Variants in CIB2 observed in about 807,000 individuals in gnomAD.
CIB2 encodes the protein calcium and integrin-binding family member 2.
Under a neutral mutation model 23.1 loss-of-function variants are expected in CIB2, and 19 were observed. The observed-to-expected ratio is 0.82, with a 90% CI of 0.57 to 1.21. The LOEUF (loss-of-function observed/expected upper bound fraction) is 1.21. Ranked by LOEUF, CIB2 falls within the 50% of genes most tolerant of loss-of-function variation. CIB2 has a pLI of 0.00. For synonymous variants in CIB2, 94 were observed against 91.7 expected (o/e 1.03, Z -0.14); for missense variants, 220 against 241.5 (o/e 0.91, Z 0.59).
intron 1 of CIB2, among the ~76,000 whole-genome samples, chr15:78,130,087 A>G (rs888348095): frequency 2.6e-5 from 4 of 152,196 alleles, no homozygotes; most frequent in African/African-American, 9.7e-5. Context: ...CTTCACAGCC[A>G]AAGTAAGCAC....
chr15:78,119,554 A>G (rs2074289463), intron 2 of CIB2, among the ~76,000 whole-genome samples: 1 of 151,970 alleles, frequency 6.6e-6, no homozygotes, highest in Non-Finnish European at 1.5e-5. Flanking sequence ...AGGAAAAGCA[A>G]TTTTAAGCAT....
chr15:78,127,146 T>A (rs2074392354), intron 1 of CIB2, among the ~76,000 whole-genome samples: 1 of 152,106 alleles, frequency 6.6e-6, no homozygotes, highest in African/African-American at 2.4e-5. Context: ...AACAGCTCCA[T>A]CCACCACCCA....
chr15:78,108,601 G>C (rs1202093559), intron 4 of CIB2, among the ~76,000 whole-genome samples: 5 of 152,164 alleles, frequency 3.3e-5, no homozygotes, highest in Non-Finnish European at 7.4e-5. Context: ...CAGTATTCGG[G>C]GGGGCTCCAG....
intron 2 of CIB2, among the ~76,000 whole-genome samples, chr15:78,122,566 C>T (rs561379309): frequency 6.6e-6 from 1 of 152,186 alleles, no homozygotes; most frequent in Non-Finnish European, 1.5e-5. Flanking sequence ...AGCTACAGGG[C>T]AAATCCCACT....
At chr15:78,123,505 G>A (rs1027986909) in intron 2 of CIB2, among the ~76,000 whole-genome samples, 200 bp downstream of exon 2, 3 of 152,162 alleles carry the variant, frequency 2.0e-5, no homozygotes, top group Non-Finnish European at 4.4e-5. Context: ...TTCCCCAGCA[G>A]GAGGATCTGG....
At chr15:78,116,939 G>A (rs1381139446) in intron 2 of CIB2, among the ~76,000 whole-genome samples, 5 of 137,716 alleles carry the variant, frequency 3.6e-5, no homozygotes, top group Admixed American at 2.2e-4. Flanking sequence ...TAAAAAAAAT[G>A]AATTCACAAT....
At chr15:78,111,394 A>G in intron 2 of CIB2, 118 bp from the exon 3 acceptor site, 2 of 753,904 alleles carry the variant, frequency 2.7e-6, no homozygotes, top group South Asian at 3.6e-5. Context: ...GGACCAGGTA[A>G]GGGGCCAATG....
intron 2 of CIB2, among the ~76,000 whole-genome samples, chr15:78,117,094 C>T (rs894530891): frequency 2.7e-5 from 4 of 150,928 alleles, no homozygotes; most frequent in African/African-American, 7.3e-5. Flanking sequence ...CATTCCTGAT[C>T]GGAAAGACTT....
chr15:78,109,240 A>G lies in CIB2; in HGVS notation c.341T>C (p.Ile114Thr). 7.0e-7 allele frequency: 1 copy of G among 1,421,344 alleles called. No individual in the cohort carries two copies. Among genetic ancestry groups the G allele is most frequent in the Non-Finnish European group, 9.5e-7 (1 of 1,055,362 alleles). The allele number at this position is 1,421,344 out of a possible 1,614,324, so 88.0% of individuals were successfully genotyped here. ...RELKANYAFK[I>T]YDFNTDNFIC... ...CCTCCTCTAGCCCTGGTTACCATAGATCTTGAAGGCATAGTTTGCCTTGAG... is the reference window on the plus strand; with the variant it reads ...CCTCCTCTAGCCCTGGTTACCATAGGTCTTGAAGGCATAGTTTGCCTTGAG... Residue 114 changes from isoleucine to threonine, a missense_variant, in exon 4 of 6, where the codon ATC becomes ACC. Ile to Thr is a moderately conservative substitution (Grantham distance 89). Transcript: ENST00000258930.
intron 3 of CIB2, chr15:78,110,602 T>C (rs2074142884): frequency 2.2e-6 from 1 of 451,352 alleles, no homozygotes; most frequent in Non-Finnish European, 4.5e-6. Flanking sequence ...AAGGAACTCA[T>C]GAAACGAAAC....
intron 1 of CIB2, among the ~76,000 whole-genome samples, chr15:78,129,791 TC>T (rs2074430100): frequency 6.6e-6 from 1 of 152,272 alleles, no homozygotes; most frequent in South Asian, 2.1e-4. Flanking sequence ...AGATTCGAAA[TC>T]CTGTGTGAGC....
At chr15:78,121,061 A>AG (rs544104811) in intron 2 of CIB2, among the ~76,000 whole-genome samples, 1 of 152,142 alleles carries the variant, frequency 6.6e-6, no homozygotes, top group South Asian at 2.1e-4. Flanking sequence ...AGAAAAGCGA[A>AG]GGGGGGTGAA....
At chr15:78,117,069 T>C (rs1200808001) in intron 2 of CIB2, among the ~76,000 whole-genome samples, 1 of 151,496 alleles carries the variant, frequency 6.6e-6, no homozygotes, top group Non-Finnish European at 1.5e-5. Flanking sequence ...TTTAGGTACT[T>C]AGATAACTAT....
intron 2 of CIB2, among the ~76,000 whole-genome samples, chr15:78,116,113 G>A (rs8032449): frequency 0.33 from 50,181 of 151,780 alleles, 8,619 homozygotes; most frequent in African/African-American, 0.43. Context: ...TGTATTAGGT[G>A]TTATAAGTAA....
intron 1 of CIB2, among the ~76,000 whole-genome samples, chr15:78,130,537 C>T (rs1215085144): frequency 2.0e-5 from 3 of 152,138 alleles, no homozygotes; most frequent in African/African-American, 7.2e-5. Context: ...GGCAGGAAAA[C>T]CTAGAAAGGT....
intron 2 of CIB2, among the ~76,000 whole-genome samples, chr15:78,122,121 C>T (rs1028047912): frequency 2.6e-5 from 4 of 152,310 alleles, no homozygotes; most frequent in Admixed American, 6.5e-5. Flanking sequence ...GGGAGCTGGG[C>T]CCCTGGGTCC....
intron 1 of CIB2, among the ~76,000 whole-genome samples, chr15:78,124,678 C>T (rs2074360383): frequency 6.6e-6 from 1 of 152,180 alleles, no homozygotes; most frequent in African/African-American, 2.4e-5. Context: ...CCGCCTTTGT[C>T]CACTGTTACA....
At chr15:78,113,138 G>A (rs988390665) in intron 2 of CIB2, among the ~76,000 whole-genome samples, 4 of 152,250 alleles carry the variant, frequency 2.6e-5, no homozygotes. Context: ...AGGACCTCTG[G>A]ACACCAACCA....
chr15:78,120,844 G>T, intron 2 of CIB2: 6 of 538,828 alleles, frequency 1.1e-5, no homozygotes, highest in Non-Finnish European at 1.4e-5. Context: ...CCATCCTGGT[G>T]GGGGTGGGGA....
Sources: gnomAD v4.1 joint callset for allele counts (sites outside exome capture counted in the v4.1 genomes callset) on GRCh38, gnomAD v4.1.1 for gene constraint, MANE v1.5 for transcripts, NCBI Gene and HGNC (gene_info 2026-07-23, HGNC 2026-07-21) for gene names.